The following COL5A3 variants were observed in gnomAD, a reference collection of about 807,000 sequenced individuals.
The protein encoded by COL5A3 is collagen type V alpha 3 chain, also known as collagen alpha-3(V) chain.
A neutral mutation model predicts 250.0 loss-of-function variants in COL5A3; 172 were observed. That is an observed-to-expected ratio of 0.69 (90% confidence interval 0.61 to 0.78). The LOEUF (loss-of-function observed/expected upper bound fraction) is 0.78. COL5A3 is among the 30% of genes least tolerant of loss of function. The pLI, the probability that COL5A3 is intolerant of heterozygous loss-of-function variation, is 0.00. For missense variants in COL5A3, 2,340 were observed against 2,334.4 expected (o/e 1.00, Z -0.05); for synonymous variants, 937 against 900.4 (o/e 1.04, Z -0.73).
chr19:9,988,218 G>A (rs1328088797), intron 27 of COL5A3, among the ~76,000 whole-genome samples: 2 of 152,120 alleles, frequency 1.3e-5, no homozygotes, highest in Non-Finnish European at 2.9e-5. Context: ...TGGGCAACAA[G>A]AGCAGAACCA....
chr19:10,008,859 G>A (rs1254908650), intron 1 of COL5A3, among the ~76,000 whole-genome samples: 1 of 152,108 alleles, frequency 6.6e-6, no homozygotes. Context: ...TGACCCAGTG[G>A]GTGAGTGGGT....
chr19:9,988,961 G>C (rs1041118994), intron 27 of COL5A3, among the ~76,000 whole-genome samples, 163 bp downstream of exon 27: 4 of 151,928 alleles, frequency 2.6e-5, no homozygotes, highest in African/African-American at 9.7e-5. Context: ...CAACCACACT[G>C]TAAGGCTGTC....
chr19:9,990,438 C>T (rs575602628), intron 24 of COL5A3, among the ~76,000 whole-genome samples: 64 of 148,940 alleles, frequency 4.3e-4, no homozygotes, highest in African/African-American at 1.5e-3. Context: ...TTGTTTGTAA[C>T]ACAAAGAATA....
In COL5A3 at chr19:9,983,913, T is replaced by TAA. The variant is rs566711383; in HGVS notation, c.2407-1797_2407-1796dup. The stretch of plus-strand genomic sequence containing the variant: ...ATGTAAAGGGAAATCACTGAAAAAA[T>TAA]AAAAAAAAAAAACCACTGTCAAATC... On this transcript the variant is annotated intron_variant, in intron 31 of 66. Coordinates refer to ENST00000264828, the MANE Select transcript of COL5A3 (RefSeq NM_015719.4). 1.6e-4 allele frequency among the ~76,000 whole-genome samples: 21 copies of TAA among 129,536 alleles called. No individual in the cohort carries two copies. The East Asian group carries it at 3.3e-3, about 21-fold the overall frequency. 85.0% of individuals were successfully genotyped at this position (129,536 alleles called of 152,430 possible).
Position 9,995,629 on chromosome 19 carries a change from C to T in COL5A3, c.1534-12G>A. The T allele has an allele frequency of 1.3e-6, 2 of 1,563,234 alleles. No individual in the cohort carries two copies. The highest frequency in any genetic ancestry group is 1.7e-6 in the Non-Finnish European group (2 of 1,155,408). On this transcript the variant is annotated splice_polypyrimidine_tract_variant and intron_variant, in intron 15 of 66. Transcript: ENST00000264828. ...AGGCCTCGGGGACCCTAGAAGAAAG[C>T]AAAAAGGAGGAAGGAAAGGAAAATA...
chr19:9,996,497 G>C lies in COL5A3; in HGVS notation c.1358C>G (p.Ser453Cys), dbSNP rs780783103. 3.7e-6 allele frequency: 6 copies of C among 1,614,020 alleles called. No homozygotes were observed. The highest frequency in any genetic ancestry group is 5.1e-6 in the Non-Finnish European group (6 of 1,180,008). Residue 453 changes from serine (S) to cysteine (C), a missense_variant, in exon 13 of 67, where the codon TCC becomes TGC. Ser to Cys is a moderately radical substitution (Grantham distance 112). Around this residue, in one of 3 missense-constraint regions of COL5A3, gnomAD observed 1,152 missense variants for 1,146.3 expected, o/e 1.00. Coordinates refer to ENST00000264828, the MANE Select transcript of COL5A3 (RefSeq NM_015719.4). ...GAATGAGACTGGGGGGCCTTTAAAG[G>C]AGCCGCCTGCAAACTGGAACTGGGA... The part of the protein sequence containing the change: ...IMMPFQFAGG[S>C]FKGPPVSFQQ...
chr19:9,993,336 A>C, intron 19 of COL5A3, 44 bp downstream of exon 19: 2 of 1,604,024 alleles, frequency 1.2e-6, no homozygotes, highest in African/African-American at 1.3e-5. Flanking sequence ...TCAGGCTTCC[A>C]AACTTACTTT....
At position 9,996,379 on chromosome 19, in the gene COL5A3, G is replaced by T; in HGVS notation, c.1422+54C>A. 3.1e-6 allele frequency: 5 copies of T among 1,592,954 alleles called. No homozygotes were observed. The South Asian group carries it at 5.6e-5, about 18-fold the overall frequency. On this transcript the variant is annotated intron_variant, in intron 13 of 66. Transcript: ENST00000264828. ...CTCCTGCCCAGCCCCTCCTTACGCC[G>T]AGGCTCTATCACTCTCTGGGGTTCC...
At chr19:10,002,454 C>T (rs1437041011) in intron 6 of COL5A3, among the ~76,000 whole-genome samples, 2 of 150,606 alleles carry the variant, frequency 1.3e-5, no homozygotes, top group African/African-American at 2.4e-5. Flanking sequence ...GCAATGACCC[C>T]CACCAAGGAC....
intron 45 of COL5A3, among the ~76,000 whole-genome samples, chr19:9,975,952 G>A (rs58973115): frequency 0.18 from 27,127 of 150,038 alleles, 2,338 homozygotes; most frequent in Non-Finnish European, 0.22. Flanking sequence ...GCATTGAGGG[G>A]AAGACACGGT....
intron 40 of COL5A3, 68 bp downstream of exon 40, chr19:9,978,822 TC>T: frequency 1.0e-6 from 1 of 988,928 alleles, no homozygotes; most frequent in Non-Finnish European, 1.4e-6. Flanking sequence ...CTATTCCCCA[TC>T]CCTCCCCTGA....
rs2086662156 is a variant in COL5A3 at position 9,960,781 on chromosome 19, G to T, written c.4961C>A (p.Ala1654Glu). ...CGTGGCTTCGTCCAGCCAGGCAGCTGCATTCTGGCAGGAGTAGGTGAAGTT... is the reference window on the plus strand; with the variant it reads ...CGTGGCTTCGTCCAGCCAGGCAGCTTCATTCTGGCAGGAGTAGGTGAAGTT... The part of the protein sequence containing the change: ...RQNFTYSCQN[A>E]AAWLDEATGD... Residue 1654 changes from alanine (A) to glutamate (E), a missense_variant, in exon 66 of 67, where the codon GCA (alanine) becomes GAA (glutamate). Coordinates refer to ENST00000264828, the MANE Select transcript of COL5A3 (RefSeq NM_015719.4). 2 of 1,613,998 alleles carry T rather than the reference G, an allele frequency of 1.2e-6. No homozygotes were observed. Among genetic ancestry groups the T allele is most frequent in the Non-Finnish European group, 1.7e-6 (2 of 1,180,038 alleles).
intron 8 of COL5A3, 125 bp from the exon 9 acceptor site, chr19:9,998,274 GC>G: frequency 1.0e-6 from 1 of 972,146 alleles, no homozygotes; most frequent in Non-Finnish European, 1.5e-6. Context: ...CACCCTCAGA[GC>G]CCCTTCTCCT....
intron 64 of COL5A3, 87 bp downstream of exon 64, chr19:9,966,227 A>G: frequency 9.9e-7 from 1 of 1,005,428 alleles, no homozygotes; most frequent in African/African-American, 1.6e-5. Flanking sequence ...TGAAGGAAGG[A>G]TAACGTCCCA....
chr19:9,995,983 A>G (rs2087263658), intron 15 of COL5A3, 83 bp downstream of exon 15: 2 of 1,306,094 alleles, frequency 1.5e-6, no homozygotes, highest in Non-Finnish European at 2.1e-6. Context: ...CCCCTTTGGC[A>G]CTTTCCCCAT....
chr19:9,986,299 G>A lies in COL5A3; in HGVS notation c.2352+16C>T, dbSNP rs775497884. On this transcript the variant is annotated intron_variant, in intron 30 of 66. Coordinates refer to ENST00000264828, the MANE Select transcript of COL5A3 (RefSeq NM_015719.4). ...CACCTTGACTGTGGGAGGCTAGAGG[G>A]TGGAGAGTCATTTACCTTCTCCCCA... The A allele has an allele frequency of 3.4e-6, 5 of 1,490,326 alleles. No individual in the cohort carries two copies. The highest frequency in any genetic ancestry group is 1.3e-5 in the South Asian group (1 of 79,194). The allele number at this position is 1,490,326 out of a possible 1,614,324, so 92.3% of individuals were successfully genotyped here. A position where few individuals can be genotyped will look rare whatever the true frequency, so the allele number is the denominator to read the frequency against.
In COL5A3 at chr19:10,005,906, A is replaced by T. The variant is rs1440090379; in HGVS notation, c.327T>A (p.Ile109=). Reference sequence around the variant, plus strand: ...ACTGCCGGGCACCCCTTTCATCATAAATGGACAGCAGGACAGACTGATTGG... The same window carrying T: ...ACTGCCGGGCACCCCTTTCATCATATATGGACAGCAGGACAGACTGATTGG... The part of the protein sequence containing the change: ...QPANQSVLLS[I]YDERGARQLG... The change falls in exon 3 of 67, where the codon ATT becomes ATA. Residue 109 remains isoleucine, a synonymous_variant. Coordinates refer to ENST00000264828, the MANE Select transcript of COL5A3 (RefSeq NM_015719.4). The T allele has an allele frequency of 1.2e-6, 2 of 1,613,996 alleles. No individual in the cohort carries two copies. The highest frequency in any genetic ancestry group is 1.7e-6 in the Non-Finnish European group (2 of 1,180,004).
At chr19:10,003,781 T>C in intron 5 of COL5A3, 67 bp from the exon 6 acceptor site, 1 of 1,594,258 alleles carries the variant, frequency 6.3e-7, no homozygotes, top group Non-Finnish European at 8.6e-7. Context: ...TCAGGTCACC[T>C]GGGGTGAGGC....
At position 9,992,899 on chromosome 19, in the gene COL5A3, A is replaced by T. The variant is rs2087214623; in HGVS notation, c.1795-19T>A. On this transcript the variant is annotated intron_variant, in intron 20 of 66. Coordinates refer to ENST00000264828, the MANE Select transcript of COL5A3 (RefSeq NM_015719.4). The stretch of plus-strand genomic sequence containing the variant: ...GTGGACCCTGCAAGGGAGCAGGCGA[A>T]TTATTTCCACATCACCTCTGTGTGG... 1 of 1,613,522 alleles carries T rather than the reference A, an allele frequency of 6.2e-7. No individual in the cohort carries two copies.
Sources: allele counts gnomAD v4.1 joint callset (sites outside exome capture counted in the v4.1 genomes callset), GRCh38; gene constraint gnomAD v4.1.1; regional missense constraint gnomAD v4.1.1; transcripts MANE v1.5; gene names NCBI Gene and HGNC (gene_info 2026-07-23, HGNC 2026-07-21).